XNDC1N: variants seen among roughly 807,000 people sequenced by gnomAD.
XNDC1N encodes XRCC1 N-terminal domain containing 1, N-terminal like.
At chr11:71,885,059 C>T in the XNDC1N span, among the ~76,000 whole-genome samples, 2 of 152,172 alleles carry the variant, frequency 1.3e-5, no homozygotes, top group Non-Finnish European at 2.9e-5. Flanking sequence ...TATCATCTCC[C>T]GCTCTGGAGA....
chr11:71,928,081 G>T, the XNDC1N span: 1 of 226,308 alleles, frequency 4.4e-6, no homozygotes, highest in Non-Finnish European at 8.9e-6. Flanking sequence ...GTGGGACAGT[G>T]AATGGTGTAT....
chr11:71,918,828 G>C, the XNDC1N span: 2 of 696,484 alleles, frequency 2.9e-6, no homozygotes, highest in East Asian at 2.7e-5. Context: ...GGAGTAGTTA[G>C]AGGGGACTGT....
At chr11:71,895,597 G>T in the XNDC1N span, among the ~76,000 whole-genome samples, 1 of 151,764 alleles carries the variant, frequency 6.6e-6, no homozygotes. Flanking sequence ...AAACTGCTGG[G>T]ATTACAGGCA....
At chr11:71,925,343 A>G in the XNDC1N span, among the ~76,000 whole-genome samples, 4,908 of 152,192 alleles carry the variant, frequency 0.032, 73 homozygotes, top group East Asian at 0.08. Context: ...TGACCATAAA[A>G]ATTGTGCTCC....
the XNDC1N span, among the ~76,000 whole-genome samples, chr11:71,906,930 A>C: frequency 2.0e-5 from 3 of 152,266 alleles, no homozygotes; most frequent in African/African-American, 7.2e-5. Flanking sequence ...GTAATTTGAC[A>C]AGGTGTACAA....
the XNDC1N span, among the ~76,000 whole-genome samples, chr11:71,898,531 C>A: frequency 1.3e-5 from 2 of 152,194 alleles, no homozygotes; most frequent in Non-Finnish European, 2.9e-5. Flanking sequence ...CGCTTGAACC[C>A]AGGATGTGGA....
the XNDC1N span, among the ~76,000 whole-genome samples, chr11:71,901,232 A>T: frequency 8.0e-4 from 122 of 152,194 alleles, 1 homozygote; most frequent in African/African-American, 2.9e-3. Flanking sequence ...TTCCATTCCT[A>T]TTGAGGAAGC....
the XNDC1N span, among the ~76,000 whole-genome samples, chr11:71,896,712 C>G: frequency 6.6e-6 from 1 of 152,052 alleles, no homozygotes; most frequent in Non-Finnish European, 1.5e-5. Context: ...TACAGGCATG[C>G]GCCAGCACGC....
At chr11:71,923,969 CA>C in the XNDC1N span, among the ~76,000 whole-genome samples, 1 of 152,016 alleles carries the variant, frequency 6.6e-6, no homozygotes, top group African/African-American at 2.4e-5. Flanking sequence ...AGCACAGCAG[CA>C]AGTACAAAAT....
the XNDC1N span, among the ~76,000 whole-genome samples, chr11:71,885,323 A>G: frequency 6.6e-6 from 1 of 152,138 alleles, no homozygotes; most frequent in African/African-American, 2.4e-5. Context: ...GATCATGGGA[A>G]CAATATCCTT....
At chr11:71,897,376 AAAC>A in the XNDC1N span, among the ~76,000 whole-genome samples, 2 of 152,236 alleles carry the variant, frequency 1.3e-5, no homozygotes, top group South Asian at 2.1e-4. Context: ...AGCTAGAACT[AAAC>A]AACAAGAAAC....
chr11:71,897,677 A>G, the XNDC1N span, among the ~76,000 whole-genome samples: 1 of 152,214 alleles, frequency 6.6e-6, no homozygotes, highest in African/African-American at 2.4e-5. Context: ...TTAGAAACAG[A>G]ATGATCAGAT....
chr11:71,923,657 G>A, the XNDC1N span, among the ~76,000 whole-genome samples: 21 of 151,592 alleles, frequency 1.4e-4, no homozygotes, highest in African/African-American at 3.6e-4. Context: ...CCGGGTTCAC[G>A]CCATTCTCCT....
chr11:71,892,770 C>A, the XNDC1N span, among the ~76,000 whole-genome samples: 1 of 152,096 alleles, frequency 6.6e-6, no homozygotes, highest in Non-Finnish European at 1.5e-5. Flanking sequence ...ATCCATCAGC[C>A]TCGGCCGCCC....
chr11:71,914,189 G>A, the XNDC1N span: 3 of 414,930 alleles, frequency 7.2e-6, no homozygotes, highest in Admixed American at 2.7e-5. Flanking sequence ...TATAGATAGC[G>A]ATTCCTCTGA....
chr11:71,888,581 G>A, the XNDC1N span, among the ~76,000 whole-genome samples: 1 of 152,176 alleles, frequency 6.6e-6, no homozygotes, highest in Non-Finnish European at 1.5e-5. Context: ...CCAGACTGTG[G>A]GGCCCAGGCC....
At chr11:71,915,980 T>A in the XNDC1N span, 10 of 647,530 alleles carry the variant, frequency 1.5e-5, no homozygotes, top group Non-Finnish European at 2.8e-5. Flanking sequence ...TGTACGTGTG[T>A]GTGTGTCTAT....
At chr11:71,891,016 C>T in the XNDC1N span, among the ~76,000 whole-genome samples, 370 of 151,944 alleles carry the variant, frequency 2.4e-3, no homozygotes, top group Middle Eastern at 0.01. Flanking sequence ...GTGAAATTTT[C>T]CTCTCTTCCC....
At chr11:71,887,804 C>T in the XNDC1N span, among the ~76,000 whole-genome samples, 1 of 152,230 alleles carries the variant, frequency 6.6e-6, no homozygotes, top group Non-Finnish European at 1.5e-5. Context: ...TCCAACAGTA[C>T]CTAACCCGTC....
Sources: gnomAD v4.1 joint callset for allele counts (sites outside exome capture counted in the v4.1 genomes callset) on GRCh38, gnomAD v4.1.1 for gene constraint, MANE v1.5 for transcripts, NCBI Gene and HGNC (gene_info 2026-07-23, HGNC 2026-07-21) for gene names.